RBPMS: variants seen among roughly 807,000 people sequenced by gnomAD.
RBPMS encodes RNA-binding protein with multiple splicing.
A neutral mutation model predicts 26.8 loss-of-function variants in RBPMS; 7 were observed. The observed-to-expected ratio is 0.26, with a 90% CI of 0.15 to 0.49. The LOEUF (loss-of-function observed/expected upper bound fraction) is 0.49. Ranked by LOEUF, RBPMS falls within the 20% of genes least tolerant of loss-of-function variation. RBPMS has a pLI of 0.98. For missense variants in RBPMS, 186 were observed against 250.0 expected (o/e 0.74, Z 1.73); for synonymous variants, 96 against 93.3 (o/e 1.03, Z -0.17).
chr8:30,445,081 G>A (rs998603729), intron 1 of RBPMS, among the ~76,000 whole-genome samples: 1 of 152,026 alleles, frequency 6.6e-6, no homozygotes, highest in Non-Finnish European at 1.5e-5. Flanking sequence ...TGAGTTCATG[G>A]CTATATTACA....
chr8:30,477,679 G>A (rs1177260020), intron 2 of RBPMS, 120 bp from the exon 3 acceptor site: 6 of 680,572 alleles, frequency 8.8e-6, no homozygotes, highest in East Asian at 2.7e-5. Flanking sequence ...TGCTTTCCCA[G>A]ATAACTTAGG....
intron 1 of RBPMS, among the ~76,000 whole-genome samples, chr8:30,462,546 G>A (rs1293148466): frequency 1.3e-5 from 2 of 151,788 alleles, no homozygotes; most frequent in Admixed American, 6.6e-5. Flanking sequence ...TCAGCCTCCC[G>A]AGTAGCTGGG....
chr8:30,489,300 C>CT (rs1388541214), intron 4 of RBPMS, among the ~76,000 whole-genome samples: 1 of 152,106 alleles, frequency 6.6e-6, no homozygotes, highest in South Asian at 2.1e-4. Context: ...CTCACCTCAG[C>CT]TTTGCAGAGT....
chr8:30,519,569 C>T (rs1306659814), intron 5 of RBPMS, among the ~76,000 whole-genome samples: 3 of 145,210 alleles, frequency 2.1e-5, no homozygotes, highest in Middle Eastern at 3.5e-3. Context: ...CTGCAAGCTC[C>T]GCCTTCCAGG....
chr8:30,522,491 C>T (rs1009209468), intron 5 of RBPMS, among the ~76,000 whole-genome samples: 1 of 152,086 alleles, frequency 6.6e-6, no homozygotes, highest in Non-Finnish European at 1.5e-5. Flanking sequence ...CTGGGCAACG[C>T]ACCAAGACCC....
At chr8:30,548,517 A>G (rs1466422454) in intron 6 of RBPMS, among the ~76,000 whole-genome samples, 1 of 152,220 alleles carries the variant, frequency 6.6e-6, no homozygotes, top group East Asian at 1.9e-4. Flanking sequence ...CGGATTTCTA[A>G]TAGGGCTGCT....
rs574777627 is a variant in RBPMS at position 30,551,983 on chromosome 8, A to G, written c.529-6904A>G. On this transcript the variant is annotated intron_variant, in intron 6 of 8. Transcript: ENST00000397323. ...GTTCTTCCAATGCCTTCCCTTTGTCAGGATTCGATCTGGTGTGGCCCAGAG... is the reference window on the plus strand; with the variant it reads ...GTTCTTCCAATGCCTTCCCTTTGTCGGGATTCGATCTGGTGTGGCCCAGAG... Among the ~76,000 whole-genome samples the G allele has an allele frequency of 3.9e-5, 6 of 152,336 alleles. No homozygotes were observed. The South Asian group carries it at 1.2e-3, about 32-fold the overall frequency.
chr8:30,532,255 C>T (rs1824299585), intron 5 of RBPMS, among the ~76,000 whole-genome samples: 1 of 152,070 alleles, frequency 6.6e-6, no homozygotes, highest in East Asian at 1.9e-4. Flanking sequence ...AGCACCACTC[C>T]CTGCCACCTC....
At position 30,571,768 on chromosome 8, in the gene RBPMS, T is replaced by TCA. The variant is rs921033818; in HGVS notation, c.*1244_*1245dup. 1.3e-5 allele frequency: 2 copies of TCA among 152,270 alleles called. No homozygotes were observed. The highest frequency in any genetic ancestry group is 4.8e-5 in the African/African-American group (2 of 41,462). The allele number at this position is 152,270 out of a possible 1,614,324, so 9.4% of individuals were successfully genotyped here. ...CAAAGCCAAAGTCAGTCTGGTGTTGTCAGTTGACACATCTCCAGAGTTCAT... is the reference window on the plus strand; with the variant it reads ...CAAAGCCAAAGTCAGTCTGGTGTTGTCACAGTTGACACATCTCCAGAGTTCAT... On this transcript the variant is annotated 3_prime_UTR_variant, in exon 9 of 9. Coordinates refer to ENST00000397323, the MANE Select transcript of RBPMS (RefSeq NM_001008710.3).
intron 5 of RBPMS, chr8:30,537,872 T>C (rs548630190): frequency 1.2e-4 from 35 of 296,964 alleles, no homozygotes; most frequent in Non-Finnish European, 2.0e-4. Context: ...TAGCAATTGT[T>C]TGGACATGGG....
At chr8:30,554,145 CT>C (rs1300754883) in intron 6 of RBPMS, among the ~76,000 whole-genome samples, 1 of 152,218 alleles carries the variant, frequency 6.6e-6, no homozygotes, top group African/African-American at 2.4e-5. Context: ...CAGGGGAAAC[CT>C]GCATTCAGGT....
Position 30,432,574 on chromosome 8 carries a change from A to G in RBPMS, c.67-42205A>G, listed in dbSNP as rs534960603. On this transcript the variant is annotated intron_variant, in intron 1 of 8. Transcript: ENST00000397323. ...TTACCTGTTTTGCCTTCCTATCGCAACTACCTCCATGAAAGTAGTTATATT... is the reference window on the plus strand; with the variant it reads ...TTACCTGTTTTGCCTTCCTATCGCAGCTACCTCCATGAAAGTAGTTATATT... Among the ~76,000 whole-genome samples the G allele has an allele frequency of 2.6e-5, 4 of 152,322 alleles. No homozygotes were observed. The East Asian group carries it at 5.8e-4, about 22-fold the overall frequency.
intron 1 of RBPMS, among the ~76,000 whole-genome samples, chr8:30,460,501 G>T (rs1051086881): frequency 7.2e-5 from 11 of 152,200 alleles, no homozygotes; most frequent in Non-Finnish European, 1.3e-4. Flanking sequence ...CTCTGTGAAC[G>T]TCCCTAGGCT....
At chr8:30,465,327 G>A (rs1816376065) in intron 1 of RBPMS, among the ~76,000 whole-genome samples, 1 of 152,176 alleles carries the variant, frequency 6.6e-6, no homozygotes, top group Admixed American at 6.5e-5. Flanking sequence ...GTGTCTGACA[G>A]TACTAAGGGA....
At chr8:30,459,215 G>A (rs1170773937) in intron 1 of RBPMS, among the ~76,000 whole-genome samples, 3 of 151,964 alleles carry the variant, frequency 2.0e-5, no homozygotes, top group Admixed American at 2.0e-4. Flanking sequence ...TCCCATCTTG[G>A]CCTCCCAAAG....
chr8:30,386,320 A>C (rs12156340), intron 1 of RBPMS, among the ~76,000 whole-genome samples: 31,492 of 152,150 alleles, frequency 0.21, 3,987 homozygotes, highest in Non-Finnish European at 0.27. Flanking sequence ...ACTTCTCTGC[A>C]CATTGTCCAC....
At chr8:30,526,386 T>C (rs202241781) in intron 5 of RBPMS, among the ~76,000 whole-genome samples, 6,911 of 152,308 alleles carry the variant, frequency 0.045, 215 homozygotes, top group East Asian at 0.12. Context: ...TGTAGGTTAA[T>C]TGCTCTACCG....
At chr8:30,528,493 A>C (rs1018257188) in intron 5 of RBPMS, among the ~76,000 whole-genome samples, 1 of 152,170 alleles carries the variant, frequency 6.6e-6, no homozygotes, top group Admixed American at 6.5e-5. Context: ...GTCTTAACAT[A>C]GTTCTGGGAA....
chr8:30,489,864 G>T (rs1470901931), intron 4 of RBPMS, among the ~76,000 whole-genome samples: 1 of 151,568 alleles, frequency 6.6e-6, no homozygotes, highest in Non-Finnish European at 1.5e-5. Context: ...AGGCTGGAGT[G>T]CAGTGGCGCG....
Sources: allele counts gnomAD v4.1 joint callset (sites outside exome capture counted in the v4.1 genomes callset), GRCh38; gene constraint gnomAD v4.1.1; transcripts MANE v1.5; gene names NCBI Gene and HGNC (gene_info 2026-07-23, HGNC 2026-07-21).